PRKAR1B: variants seen among roughly 807,000 people sequenced by gnomAD.
PRKAR1B encodes the protein protein kinase cAMP-dependent type I regulatory subunit beta, also known as cAMP-dependent protein kinase type I-beta regulatory subunit.
A neutral mutation model predicts 46.5 loss-of-function variants in PRKAR1B; 22 were observed. The ratio of observed to expected loss-of-function variants is 0.47; its 90% CI spans 0.34 to 0.68. The LOEUF is 0.68. PRKAR1B is among the 30% of genes least tolerant of loss of function. The pLI is 0.01. For missense variants in PRKAR1B, 445 were observed against 535.6 expected, an observed-to-expected ratio of 0.83 and a Z score of 1.67; for synonymous variants, 259 against 217.7, an observed-to-expected ratio of 1.19 and a Z score of -1.67.
At chr7:653,923 C>T (rs534815545) in intron 4 of PRKAR1B, among the ~76,000 whole-genome samples, 1 of 151,678 alleles carries the variant, frequency 6.6e-6, no homozygotes, top group Non-Finnish European at 1.5e-5. Context: ...CCTTCACCAT[C>T]ACCACCACTA....
intron 4 of PRKAR1B, among the ~76,000 whole-genome samples, chr7:616,873 G>C (rs1034100854): frequency 6.6e-6 from 1 of 152,106 alleles, no homozygotes; most frequent in African/African-American, 2.4e-5. Flanking sequence ...AAGCGCCTCG[G>C]GCCCTTTATT....
intron 2 of PRKAR1B, among the ~76,000 whole-genome samples, chr7:699,202 T>A (rs1343392752): frequency 6.6e-6 from 1 of 152,252 alleles, no homozygotes; most frequent in African/African-American, 2.4e-5. Flanking sequence ...TCTCCCTGGC[T>A]GATGGTGGGG....
chr7:628,310 A>G (rs1177790713), intron 4 of PRKAR1B, among the ~76,000 whole-genome samples: 2 of 152,222 alleles, frequency 1.3e-5, no homozygotes, highest in Non-Finnish European at 2.9e-5. Context: ...GCAAGTCAAA[A>G]TCGGGGACGT....
chr7:719,591 G>T (rs1781003202), intron 1 of PRKAR1B, among the ~76,000 whole-genome samples: 2 of 152,184 alleles, frequency 1.3e-5, no homozygotes, highest in Admixed American at 1.3e-4. Context: ...TGTTTCATTT[G>T]TTGTAACGTG....
intron 9 of PRKAR1B, among the ~76,000 whole-genome samples, chr7:569,498 A>C (rs1779375272): frequency 6.6e-6 from 1 of 152,220 alleles, no homozygotes; most frequent in Admixed American, 6.5e-5. Context: ...CGTGCCCGGG[A>C]CACAGCCCGT....
chr7:706,526 C>T (rs1780336832), intron 2 of PRKAR1B, among the ~76,000 whole-genome samples: 1 of 147,014 alleles, frequency 6.8e-6, no homozygotes. Context: ...TGGGTTCAAG[C>T]AATTCTCCTA....
chr7:577,504 G>A lies in PRKAR1B; in HGVS notation c.891+1752C>T, dbSNP rs145977442. Among the ~76,000 whole-genome samples, 105 of 152,302 alleles carry A rather than the reference G, an allele frequency of 6.9e-4. No homozygotes were observed. The East Asian group carries it at 0.015, about 21-fold the overall frequency. ...ACATGTCAGACACACGGGAGCATAC[G>A]TGTAGCTCTGCAGAGCCGGGCAGGT... On this transcript the variant is annotated intron_variant, in intron 9 of 10. Transcript: ENST00000537384.
intron 4 of PRKAR1B, among the ~76,000 whole-genome samples, chr7:634,167 C>T (rs535459330): frequency 5.6e-4 from 85 of 152,194 alleles, no homozygotes; most frequent in African/African-American, 1.9e-3. Context: ...GGATTACAGG[C>T]GCCTGCCACC....
intron 2 of PRKAR1B, among the ~76,000 whole-genome samples, chr7:705,793 G>A (rs561799036): frequency 1.2e-4 from 18 of 152,284 alleles, no homozygotes; most frequent in African/African-American, 2.6e-4. Context: ...CTGGGAGGCC[G>A]AGGCAGGTGG....
chr7:685,470 A>G (rs1435426370), intron 2 of PRKAR1B, among the ~76,000 whole-genome samples: 2 of 147,340 alleles, frequency 1.4e-5, no homozygotes, highest in African/African-American at 5.0e-5. Context: ...AAAGTAAAAT[A>G]AAATAGAAAC....
intron 9 of PRKAR1B, among the ~76,000 whole-genome samples, chr7:565,799 C>T (rs1307674024): frequency 6.6e-6 from 1 of 152,162 alleles, no homozygotes; most frequent in Non-Finnish European, 1.5e-5. Context: ...CTTGGCCCAG[C>T]TGGGTGGCTA....
intron 7 of PRKAR1B, among the ~76,000 whole-genome samples, chr7:595,433 A>G (rs1781216231): frequency 6.6e-6 from 1 of 152,174 alleles, no homozygotes; most frequent in African/African-American, 2.4e-5. Flanking sequence ...CACCAGGACA[A>G]GACTCCAGCT....
At chr7:577,732 C>A (rs146245836) in intron 9 of PRKAR1B, among the ~76,000 whole-genome samples, 19 of 152,202 alleles carry the variant, frequency 1.2e-4, no homozygotes, top group Non-Finnish European at 2.2e-4. Flanking sequence ...CCATGGGGCA[C>A]AGGTGATGCA....
Position 699,676 on chromosome 7 carries a change from G to C in PRKAR1B, c.177+11653C>G, listed in dbSNP as rs1463552395. On this transcript the variant is annotated intron_variant, in intron 2 of 10. Transcript: ENST00000537384. ...GGCCCTAAAGCAAGTGCTGAAGAGC[G>C]GCCAGCTGCAGGAGGGGTGGGGAGG... Among the ~76,000 whole-genome samples the C allele has an allele frequency of 2.0e-5, 3 of 152,166 alleles. No individual in the cohort carries two copies. In the East Asian group the frequency reaches 5.8e-4, roughly 29 times the overall value.
At chr7:678,250 CAGAG>C (rs1168566214) in intron 3 of PRKAR1B, among the ~76,000 whole-genome samples, 21 of 152,158 alleles carry the variant, frequency 1.4e-4, no homozygotes, top group African/African-American at 4.8e-5. Flanking sequence ...GCCTGAGTGA[CAGAG>C]GGAGAATTTG....
intron 9 of PRKAR1B, among the ~76,000 whole-genome samples, chr7:577,501 T>C (rs1027555526): frequency 1.3e-5 from 2 of 152,058 alleles, no homozygotes; most frequent in Admixed American, 6.5e-5. Flanking sequence ...CACGGGAGCA[T>C]ACGTGTAGCT....
chr7:634,728 C>T (rs1176147793), intron 4 of PRKAR1B, among the ~76,000 whole-genome samples: 1 of 151,794 alleles, frequency 6.6e-6, no homozygotes, highest in Non-Finnish European at 1.5e-5. Flanking sequence ...CAACCCCTGC[C>T]TTCAGGGTTC....
At chr7:646,058 T>C (rs1270362140) in intron 4 of PRKAR1B, among the ~76,000 whole-genome samples, 16 of 152,162 alleles carry the variant, frequency 1.1e-4, no homozygotes, top group Non-Finnish European at 2.1e-4. Context: ...CTATTTTTTT[T>C]TTTAAGAGGC....
intron 7 of PRKAR1B, 107 bp from the exon 8 acceptor site, chr7:584,675 C>A: frequency 2.1e-6 from 2 of 970,038 alleles, no homozygotes; most frequent in East Asian, 2.6e-5. Context: ...AAATGAGACC[C>A]TCCAAGCATT....
Sources: allele counts gnomAD v4.1 joint callset (sites outside exome capture counted in the v4.1 genomes callset), GRCh38; gene constraint gnomAD v4.1.1; transcripts MANE v1.5; gene names NCBI Gene and HGNC (gene_info 2026-07-23, HGNC 2026-07-21).